ADAMTS3: variants seen among roughly 807,000 people sequenced by gnomAD.
ADAMTS3 encodes the protein A disintegrin and metalloproteinase with thrombospondin motifs 3.
In ADAMTS3, 73 loss-of-function variants were observed where a neutral mutation model predicts 129.0. The ratio of observed to expected loss-of-function variants is 0.57; its 90% CI spans 0.47 to 0.69. ADAMTS3 has a LOEUF of 0.69. Among genes scored for constraint, ADAMTS3 ranks in the 30% least tolerant of loss-of-function variants. The probability of loss-of-function intolerance (pLI) is 0.00; values close to 1 mark genes in which losing one functional copy is unlikely to be tolerated. For synonymous variants in ADAMTS3, 477 were observed against 510.8 expected, an observed-to-expected ratio of 0.93 and a Z score of 0.89; for missense variants, 1,457 against 1,514.5, an observed-to-expected ratio of 0.96 and a Z score of 0.63.
intron 4 of ADAMTS3, among the ~76,000 whole-genome samples, chr4:72,405,714 A>T (rs1366071428): frequency 6.6e-6 from 1 of 152,106 alleles, no homozygotes; most frequent in Non-Finnish European, 1.5e-5. Flanking sequence ...ATGCCTCTGG[A>T]TGAGGGAAAT....
intron 4 of ADAMTS3, among the ~76,000 whole-genome samples, chr4:72,361,190 A>AT: frequency 6.6e-6 from 1 of 152,272 alleles, no homozygotes; most frequent in South Asian, 2.1e-4. Context: ...GAAATTATAC[A>AT]TTTTTTAACC....
At chr4:72,542,961 CT>C (rs570366797) in intron 3 of ADAMTS3, among the ~76,000 whole-genome samples, 81 of 152,182 alleles carry the variant, frequency 5.3e-4, no homozygotes, top group Non-Finnish European at 9.3e-4. Flanking sequence ...TTTATGGTGT[CT>C]TTTTCTCTCG....
chr4:72,321,807 A>G (rs1158155725), intron 6 of ADAMTS3, among the ~76,000 whole-genome samples: 2 of 151,974 alleles, frequency 1.3e-5, no homozygotes, highest in Non-Finnish European at 2.9e-5. Flanking sequence ...TTTTAACTTC[A>G]TGCTACTGAA....
chr4:72,382,587 G>A (rs879237998), intron 4 of ADAMTS3, among the ~76,000 whole-genome samples: 5 of 152,112 alleles, frequency 3.3e-5, no homozygotes, highest in African/African-American at 9.7e-5. Context: ...AAACCTGTAC[G>A]TTTACTGCAG....
At chr4:72,556,088 T>C (rs1329975422) in intron 2 of ADAMTS3, among the ~76,000 whole-genome samples, 16 of 151,638 alleles carry the variant, frequency 1.1e-4, no homozygotes, top group Admixed American at 1.0e-3. Flanking sequence ...AAGAGCAGTG[T>C]GAGAACAGAC....
At chr4:72,395,908 G>C (rs1466500800) in intron 4 of ADAMTS3, among the ~76,000 whole-genome samples, 1 of 152,152 alleles carries the variant, frequency 6.6e-6, no homozygotes, top group Non-Finnish European at 1.5e-5. Context: ...GGAATAGAGG[G>C]AGATAGGTTT....
At chr4:72,529,157 G>T (rs911936503) in intron 3 of ADAMTS3, among the ~76,000 whole-genome samples, 5 of 152,104 alleles carry the variant, frequency 3.3e-5, no homozygotes, top group East Asian at 1.9e-4. Context: ...GATCCAAAAG[G>T]CCAGAGGCAG....
intron 4 of ADAMTS3, among the ~76,000 whole-genome samples, chr4:72,350,931 C>A (rs1405169189): frequency 6.6e-6 from 1 of 151,878 alleles, no homozygotes; most frequent in South Asian, 2.1e-4. Context: ...TGGCTCTTCT[C>A]CCATTCTCAG....
intron 4 of ADAMTS3, among the ~76,000 whole-genome samples, chr4:72,375,493 G>A (rs1054548032): frequency 1.3e-5 from 2 of 152,168 alleles, no homozygotes; most frequent in African/African-American, 4.8e-5. Context: ...TACAAGCTGT[G>A]ATGAGTGCTG....
chr4:72,530,239 AAT>A (rs1268600382), intron 3 of ADAMTS3, among the ~76,000 whole-genome samples: 10 of 79,980 alleles, frequency 1.3e-4, no homozygotes, highest in African/African-American at 5.0e-4. Flanking sequence ...ATATATATTA[AAT>A]ATATATAATA....
At chr4:72,436,035 A>T (rs1055940716) in intron 3 of ADAMTS3, among the ~76,000 whole-genome samples, 1 of 151,974 alleles carries the variant, frequency 6.6e-6, no homozygotes, top group African/African-American at 2.4e-5. Context: ...CTTCTGCGCA[A>T]CAAAAGAAAC....
At chr4:72,514,588 T>C (rs1720405434) in intron 3 of ADAMTS3, among the ~76,000 whole-genome samples, 1 of 152,142 alleles carries the variant, frequency 6.6e-6, no homozygotes, top group Non-Finnish European at 1.5e-5. Context: ...CTTTGCCACG[T>C]ACCTGCCTAT....
At chr4:72,292,326 T>C (rs1345641464) in intron 19 of ADAMTS3, among the ~76,000 whole-genome samples, 2 of 152,226 alleles carry the variant, frequency 1.3e-5, no homozygotes, top group Non-Finnish European at 2.9e-5. Context: ...TGTTTAAATA[T>C]TTTAACTGAT....
At chr4:72,297,993 G>A (rs16847811) in intron 18 of ADAMTS3, among the ~76,000 whole-genome samples, 2,387 of 152,142 alleles carry the variant, frequency 0.016, 53 homozygotes, top group African/African-American at 0.053. Flanking sequence ...GAGTTTTGGA[G>A]TTTGGGAAGA....
At chr4:72,455,213 G>A (rs1165429047) in intron 3 of ADAMTS3, among the ~76,000 whole-genome samples, 1 of 151,592 alleles carries the variant, frequency 6.6e-6, no homozygotes, top group Non-Finnish European at 1.5e-5. Flanking sequence ...AAGTATAAGA[G>A]CCAACAAATA....
rs565400373 is a variant in ADAMTS3, at chr4:72,406,869, T to A, written c.661+7946A>T. On this transcript the variant is annotated intron_variant, in intron 4 of 21. Transcript: ENST00000286657. The stretch of plus-strand genomic sequence containing the variant: ...CAGAGATGCCCATTAATAATATGTG[T>A]AAGTCTGAGCTGGCAGCATTTTAGA... 2.6e-5 allele frequency among the ~76,000 whole-genome samples: 4 copies of A among 152,320 alleles called. No homozygotes were observed. In the South Asian group the frequency reaches 8.3e-4, roughly 32 times the overall value.
chr4:72,491,859 T>C (rs1719754250), intron 3 of ADAMTS3, among the ~76,000 whole-genome samples: 1 of 151,834 alleles, frequency 6.6e-6, no homozygotes, highest in Non-Finnish European at 1.5e-5. Flanking sequence ...ATTTCTCTTT[T>C]AATAAAATTC....
chr4:72,479,834 A>C (rs539138570), intron 3 of ADAMTS3, among the ~76,000 whole-genome samples: 1 of 152,348 alleles, frequency 6.6e-6, no homozygotes, highest in Admixed American at 6.5e-5. Context: ...CAATGAACTC[A>C]AACAAATTTA....
chr4:72,553,753 C>G (rs1721698213), intron 2 of ADAMTS3, among the ~76,000 whole-genome samples: 1 of 152,102 alleles, frequency 6.6e-6, no homozygotes, highest in Non-Finnish European at 1.5e-5. Context: ...CTCTTCCACT[C>G]AGCCAGGGGC....
Sources: gnomAD v4.1 joint callset for allele counts (sites outside exome capture counted in the v4.1 genomes callset) on GRCh38, gnomAD v4.1.1 for gene constraint, MANE v1.5 for transcripts, NCBI Gene and HGNC (gene_info 2026-07-23, HGNC 2026-07-21) for gene names.